The following CD36 variants were observed in gnomAD, a reference collection of about 807,000 sequenced individuals.
The protein encoded by CD36 is platelet glycoprotein 4.
In CD36, 119 loss-of-function variants were observed where a neutral mutation model predicts 55.2. That is an observed-to-expected ratio of 2.15 (90% CI 1.86 to 2.51). The LOEUF (loss-of-function observed/expected upper bound fraction) is 2.51, where lower values mean the gene tolerates loss of function less well. Among genes scored for constraint, CD36 ranks in the 30% most tolerant of loss-of-function variants. CD36 has a pLI of 0.00. For synonymous variants in CD36, 186 were observed against 193.6 expected (o/e 0.96, Z 0.33); for missense variants, 819 against 555.5 (o/e 1.47, Z -4.77).
Position 80,671,095 on chromosome 7 carries a change from T to A in CD36, c.937T>A (p.Cys313Ser), listed in dbSNP as rs1009392987. ...PVENPDNYCF[C>S]TEKIISKNCT... is the part of the protein sequence containing the mutation. The stretch of plus-strand genomic sequence containing the variant: ...TGAAAACCCAGACAACTATTGTTTC[T>A]GCACAGAAAAAATTATCTCAAAAAA... Residue 313 changes from cysteine (C) to serine (S), a missense_variant, in exon 10 of 15, where the codon TGC (cysteine) becomes AGC (serine). Transcript: ENST00000447544. 2.5e-6 allele frequency: 4 copies of A among 1,613,334 alleles called. No individual in the cohort carries two copies. The highest frequency in any genetic ancestry group is 3.4e-6 in the Non-Finnish European group (4 of 1,179,588).
At chr7:80,637,304 C>A (rs189670685), upstream of CD36, among the ~76,000 whole-genome samples, 8 of 151,610 alleles carry the variant, frequency 5.3e-5, no homozygotes, top group African/African-American at 1.9e-4. Flanking sequence ...TTATATCGTG[C>A]CACCAAGATA....
chr7:80,621,124 C>A (rs1005598531), intron 1 of CD36, among the ~76,000 whole-genome samples: 1 of 152,022 alleles, frequency 6.6e-6, no homozygotes, highest in Non-Finnish European at 1.5e-5. Context: ...GATTCTCTAC[C>A]AGCAAAAAGA....
intron 1 of CD36, among the ~76,000 whole-genome samples, chr7:80,629,736 G>A (rs114530954): frequency 0.021 from 3,223 of 152,046 alleles, 119 homozygotes; most frequent in African/African-American, 0.073. Context: ...GCTCAATTTT[G>A]TCAGATTTAT....
At chr7:80,635,583 T>C (rs144759747), upstream of CD36, among the ~76,000 whole-genome samples, 152 of 152,204 alleles carry the variant, frequency 1.0e-3, 3 homozygotes, top group Admixed American at 5.6e-3. Flanking sequence ...CCACAATTAT[T>C]TGTTAAACAA....
At chr7:80,609,995 C>T (rs1215053615) in intron 1 of CD36, among the ~76,000 whole-genome samples, 1 of 152,018 alleles carries the variant, frequency 6.6e-6, no homozygotes, top group East Asian at 1.9e-4. Flanking sequence ...GAGGGGTGAG[C>T]CAAGCTGTGG....
At position 80,672,825 on chromosome 7, in the gene CD36, A is replaced by G. The variant is rs778081291; in HGVS notation, c.1181A>G (p.Lys394Arg). The G allele has an allele frequency of 3.1e-6, 5 of 1,610,446 alleles. No homozygotes were observed. Among genetic ancestry groups the G allele is most frequent in the African/African-American group, 1.3e-5 (1 of 74,908 alleles). ...CGGCTGCAGGTCAACCTATTGGTCA[A>G]GCCATCAGAAAAAATTCAGTGAGTC... ...AKRLQVNLLV[K>R]PSEKIQVLKN... The change falls in exon 12 of 15, where the codon AAG becomes AGG. Residue 394 changes from lysine (K) to arginine (R), a missense_variant. Physicochemically the swap from Lys to Arg is conservative, Grantham distance 26 (BLOSUM62 2). Coordinates refer to ENST00000447544, the MANE Select transcript of CD36 (RefSeq NM_001001548.3).
At chr7:80,638,838 C>T (rs1302216518) in intron 1 of CD36, 92 bp downstream of exon 1, 3 of 151,210 alleles carry the variant, frequency 2.0e-5, no homozygotes, top group African/African-American at 7.3e-5. Flanking sequence ...TATAAATACT[C>T]CTAAGAAGTT....
chr7:80,678,856 A>G lies in CD36; in HGVS notation c.*2473A>G, dbSNP rs1204220970. The G allele has an allele frequency of 6.6e-6, 1 of 150,894 alleles. No homozygotes were observed. The highest frequency in any genetic ancestry group is 1.5e-5 in the Non-Finnish European group (1 of 67,726). The allele number at this position is 150,894 out of a possible 1,614,324, so 9.3% of individuals were successfully genotyped here. Reference sequence around the variant, plus strand: ...AGATTCCATCTCAAAAAAAAAAAACAGTATGCACGTACAAATTTCTTAACC... The same window carrying G: ...AGATTCCATCTCAAAAAAAAAAAACGGTATGCACGTACAAATTTCTTAACC... On this transcript the variant is annotated 3_prime_UTR_variant, in exon 15 of 15. Transcript: ENST00000447544.
intron 6 of CD36, among the ~76,000 whole-genome samples, chr7:80,664,007 T>G (rs1796779914): frequency 6.6e-6 from 1 of 152,024 alleles, no homozygotes. Flanking sequence ...TTTTTATCAT[T>G]TTAGTAACCA....
At chr7:80,613,718 A>G (rs1343998775) in intron 1 of CD36, among the ~76,000 whole-genome samples, 1 of 152,154 alleles carries the variant, frequency 6.6e-6, no homozygotes, top group East Asian at 1.9e-4. Context: ...ATTTAAGTCT[A>G]GTCAGCAGTT....
At chr7:80,666,994 G>A (rs1310103814) in intron 8 of CD36, among the ~76,000 whole-genome samples, 4 of 152,160 alleles carry the variant, frequency 2.6e-5, no homozygotes, top group African/African-American at 4.8e-5. Context: ...AAAGTCAGAT[G>A]TCTTCTTAAC....
At position 80,646,876 on chromosome 7, in the gene CD36, A is replaced by G; in HGVS notation, c.120+16A>G. 1 of 1,613,548 alleles carries G rather than the reference A, an allele frequency of 6.2e-7. No homozygotes were observed. Among genetic ancestry groups the G allele is most frequent in the South Asian group, 1.1e-5 (1 of 91,058 alleles). On this transcript the variant is annotated intron_variant, in intron 3 of 14. Coordinates refer to ENST00000447544, the MANE Select transcript of CD36 (RefSeq NM_001001548.3). ...AATTAAAAAGGTACAAGTAGTCCAA[A>G]GAATATGCCTTCTCATTTTGATTGA...
chr7:80,672,285 CAA>C (rs1797766049), intron 11 of CD36, among the ~76,000 whole-genome samples: 1 of 151,646 alleles, frequency 6.6e-6, no homozygotes, highest in Non-Finnish European at 1.5e-5. Flanking sequence ...ATGCAAAAGT[CAA>C]AGAGTATATG....
intron 1 of CD36, among the ~76,000 whole-genome samples, chr7:80,640,613 T>A (rs1221099036): frequency 6.6e-6 from 1 of 151,920 alleles, no homozygotes; most frequent in Non-Finnish European, 1.5e-5. Context: ...TATAGTAGAA[T>A]TTGGGGTGTG....
chr7:80,655,770 G>A (rs1796000146), intron 3 of CD36, among the ~76,000 whole-genome samples: 1 of 151,924 alleles, frequency 6.6e-6, no homozygotes, highest in Non-Finnish European at 1.5e-5. Flanking sequence ...TGACCAATAT[G>A]GTGAAATCCT....
chr7:80,663,051 A>G lies in CD36; in HGVS notation c.491A>G (p.Lys164Arg), dbSNP rs201801344. ...VQMILNSLIN[K>R]SKSSMFQVRT... ...ATGATCCTCAATTCACTTATTAACAAGTCAAAATCTTCTATGTTCCAAGTC... is the reference window on the plus strand; with the variant it reads ...ATGATCCTCAATTCACTTATTAACAGGTCAAAATCTTCTATGTTCCAAGTC... The change falls in exon 6 of 15, where the codon AAG becomes AGG. Residue 164 changes from lysine (K) to arginine (R), a missense_variant. Coordinates refer to ENST00000447544, the MANE Select transcript of CD36 (RefSeq NM_001001548.3). 6.6e-5 allele frequency: 107 copies of G among 1,613,334 alleles called. No homozygotes were observed. The highest frequency in any genetic ancestry group is 8.7e-5 in the Non-Finnish European group (103 of 1,179,410).
chr7:80,631,815 T>A (rs1019620375), intron 1 of CD36, among the ~76,000 whole-genome samples: 3 of 150,994 alleles, frequency 2.0e-5, no homozygotes, highest in Non-Finnish European at 4.4e-5. Context: ...TATATATATT[T>A]TATATATATA....
intron 11 of CD36, 54 bp from the exon 12 acceptor site, chr7:80,672,716 A>G: frequency 3.3e-6 from 4 of 1,210,006 alleles, no homozygotes; most frequent in Non-Finnish European, 4.8e-6. Flanking sequence ...AGTTTTGAAT[A>G]GTATAAAATA....
chr7:80,665,507 T>C (rs1796992735), intron 7 of CD36, among the ~76,000 whole-genome samples: 1 of 152,078 alleles, frequency 6.6e-6, no homozygotes, highest in South Asian at 2.1e-4. Context: ...CATATTTTTA[T>C]AGAAAAAGTC....
Sources: allele counts gnomAD v4.1 joint callset (sites outside exome capture counted in the v4.1 genomes callset), GRCh38; gene constraint gnomAD v4.1.1; transcripts MANE v1.5; gene names NCBI Gene and HGNC (gene_info 2026-07-23, HGNC 2026-07-21).